CBFA2T3: variants seen among roughly 807,000 people sequenced by gnomAD.
CBFA2T3 encodes the protein CBFA2/RUNX1 partner transcriptional co-repressor 3.
Under a neutral mutation model 58.6 loss-of-function variants are expected in CBFA2T3, and 31 were observed. That is an observed-to-expected ratio of 0.53 (90% CI 0.40 to 0.71). The LOEUF (loss-of-function observed/expected upper bound fraction) is 0.71. CBFA2T3 is among the 30% of genes least tolerant of loss of function. The pLI, the probability that CBFA2T3 is intolerant of heterozygous loss-of-function variation, is 0.00. For synonymous variants in CBFA2T3, 531 were observed against 421.9 expected (o/e 1.26, Z -3.17); for missense variants, 1,076 against 963.1 (o/e 1.12, Z -1.55).
intron 1 of CBFA2T3, among the ~76,000 whole-genome samples, chr16:88,930,098 C>T (rs1012829791): frequency 3.4e-5 from 5 of 146,494 alleles, no homozygotes; most frequent in South Asian, 2.1e-4. Context: ...GCATGGTCCA[C>T]GTAAAAGCTA....
At chr16:88,970,496 C>T (rs535938780) in intron 1 of CBFA2T3, among the ~76,000 whole-genome samples, 6 of 152,166 alleles carry the variant, frequency 3.9e-5, no homozygotes, top group Admixed American at 6.5e-5. Context: ...TGTGTGAGCT[C>T]GGCTGGTTTC....
chr16:88,880,450 G>A (rs749361647), intron 10 of CBFA2T3, among the ~76,000 whole-genome samples: 10 of 152,226 alleles, frequency 6.6e-5, no homozygotes, highest in East Asian at 3.9e-4. Context: ...GCGCTTCTGC[G>A]TGCCCTCCTG....
At chr16:88,972,872 C>G (rs1020436514) in intron 1 of CBFA2T3, among the ~76,000 whole-genome samples, 33 of 152,348 alleles carry the variant, frequency 2.2e-4, no homozygotes, top group African/African-American at 7.7e-4. Flanking sequence ...TGTGATGGCA[C>G]TTTGCTCACA....
At chr16:88,880,912 C>T (rs1969042850) in intron 9 of CBFA2T3, 124 bp from the exon 10 acceptor site, 1 of 907,254 alleles carries the variant, frequency 1.1e-6, no homozygotes, top group Non-Finnish European at 1.7e-6. Context: ...GGGGGGAGGC[C>T]CAGGTGCCCT....
chr16:88,888,922 G>A (rs944643058), intron 5 of CBFA2T3, among the ~76,000 whole-genome samples: 7 of 151,814 alleles, frequency 4.6e-5, no homozygotes, highest in South Asian at 2.1e-4. Flanking sequence ...GCCGGGCCGC[G>A]GGCGGCACCT....
intron 1 of CBFA2T3, among the ~76,000 whole-genome samples, chr16:88,921,388 A>C (rs1304918966): frequency 6.6e-6 from 1 of 152,226 alleles, no homozygotes; most frequent in Non-Finnish European, 1.5e-5. Context: ...GCCCCACCCC[A>C]GCTTGGCAGG....
chr16:88,948,357 C>T (rs1414232496), intron 1 of CBFA2T3, among the ~76,000 whole-genome samples: 1 of 152,208 alleles, frequency 6.6e-6, no homozygotes, highest in Non-Finnish European at 1.5e-5. Context: ...GGCAGAGAGA[C>T]GTTGGTCTTT....
At chr16:88,934,609 C>T (rs560032621) in intron 1 of CBFA2T3, among the ~76,000 whole-genome samples, 10 of 152,378 alleles carry the variant, frequency 6.6e-5, no homozygotes, top group Middle Eastern at 3.4e-3. Flanking sequence ...CCCAGAGGAG[C>T]GGAGAGGAGT....
intron 1 of CBFA2T3, among the ~76,000 whole-genome samples, chr16:88,926,568 C>A (rs542855169): frequency 6.6e-6 from 1 of 152,200 alleles, no homozygotes; most frequent in Admixed American, 6.5e-5. Flanking sequence ...CACCAGGTGG[C>A]CCTGGGTCAG....
chr16:88,961,480 C>T (rs1189902536), intron 1 of CBFA2T3, among the ~76,000 whole-genome samples: 2 of 148,872 alleles, frequency 1.3e-5, no homozygotes, highest in Non-Finnish European at 3.0e-5. Context: ...GCTGGGCATT[C>T]CCACTCCATA....
rs375474403 is a variant in CBFA2T3 at position 88,885,945 on chromosome 16, C to T, written c.893+16G>A. On this transcript the variant is annotated intron_variant, in intron 6 of 11. Transcript: ENST00000268679. The surrounding 1 kb of genome is among the most constrained non-coding windows in gnomAD (Gnocchi z 5.3). ...CCACGGCACCCCCAGCCCAGATCCC[C>T]GGAGCCCACAGGTACCTGTCGGGCG... 1.0e-5 allele frequency: 16 copies of T among 1,545,862 alleles called. No homozygotes were observed. Among genetic ancestry groups the T allele is most frequent in the South Asian group, 4.8e-5 (4 of 83,910 alleles).
chr16:88,967,295 A>G (rs1222942331), intron 1 of CBFA2T3, among the ~76,000 whole-genome samples: 1 of 151,892 alleles, frequency 6.6e-6, no homozygotes, highest in Non-Finnish European at 1.5e-5. Flanking sequence ...GCAGGTGTCG[A>G]GAGAGGAAAT....
intron 1 of CBFA2T3, among the ~76,000 whole-genome samples, chr16:88,940,551 C>G (rs1052555545): frequency 1.3e-5 from 2 of 152,222 alleles, no homozygotes; most frequent in Non-Finnish European, 2.9e-5. Context: ...GGTCCAGGAC[C>G]CCCAGCGCGG....
At chr16:88,952,438 C>G (rs74033216) in intron 1 of CBFA2T3, among the ~76,000 whole-genome samples, 10,894 of 151,704 alleles carry the variant, frequency 0.072, 1,321 homozygotes, top group African/African-American at 0.25. Context: ...TTCAGCAGGA[C>G]AAATGCCCAG....
intron 1 of CBFA2T3, among the ~76,000 whole-genome samples, chr16:88,965,981 C>T (rs1353983385): frequency 5.9e-5 from 9 of 152,294 alleles, no homozygotes; most frequent in East Asian, 3.9e-4. Context: ...GGGGAGGGGA[C>T]GGGGGCCCAT....
chr16:88,931,374 A>AC (rs1971294231), intron 1 of CBFA2T3, among the ~76,000 whole-genome samples: 1 of 151,458 alleles, frequency 6.6e-6, no homozygotes, highest in Non-Finnish European at 1.5e-5. Flanking sequence ...GCTGCAAACA[A>AC]CCCCCTTCCA....
chr16:88,918,388 C>T (rs565309134), intron 1 of CBFA2T3, among the ~76,000 whole-genome samples: 15 of 152,338 alleles, frequency 9.8e-5, no homozygotes, highest in African/African-American at 3.1e-4. Flanking sequence ...CCCCTGCCTT[C>T]GCAGTGTGGG....
chr16:88,977,053 T>TGGG lies in CBFA2T3; in HGVS notation c.-249_-247dup. ...GCGGGGCGGGCCTGGGGCTGCAGGC[T>TGGG]GGGGAAGGTCTCCCTGCAGCCTGCG... On this transcript the variant is annotated 5_prime_UTR_variant, in exon 1 of 12. Transcript: ENST00000268679. 1 of 440,688 alleles carries TGGG rather than the reference T, an allele frequency of 2.3e-6. No homozygotes were observed. Among genetic ancestry groups the TGGG allele is most frequent in the South Asian group, 4.7e-5 (1 of 21,156 alleles). The allele number at this position is 440,688 out of a possible 1,614,324, so 27.3% of individuals were successfully genotyped here.
At chr16:88,932,723 G>A (rs1368702815) in intron 1 of CBFA2T3, among the ~76,000 whole-genome samples, 3 of 147,896 alleles carry the variant, frequency 2.0e-5, no homozygotes, top group Non-Finnish European at 3.0e-5. Context: ...TGAGGCAGGT[G>A]GATCACCTGA....
Sources: gnomAD v4.1 joint callset for allele counts (sites outside exome capture counted in the v4.1 genomes callset) on GRCh38, gnomAD v4.1.1 for gene constraint, Gnocchi (gnomAD v3.1) non-coding constraint, MANE v1.5 for transcripts, NCBI Gene and HGNC (gene_info 2026-07-23, HGNC 2026-07-21) for gene names.